DDX59: variants seen among roughly 807,000 people sequenced by gnomAD.
The protein encoded by DDX59 is probable ATP-dependent RNA helicase DDX59.
In DDX59, 30 loss-of-function variants were observed where a neutral mutation model predicts 51.9. The observed-to-expected ratio is 0.58, with a 90% confidence interval of 0.43 to 0.78. The LOEUF (loss-of-function observed/expected upper bound fraction) is 0.78, where lower values mean the gene tolerates loss of function less well. Among genes scored for constraint, DDX59 ranks in the 30% least tolerant of loss-of-function variants. The pLI, the probability that DDX59 is intolerant of heterozygous loss-of-function variation, is 0.00. For missense variants in DDX59, 672 were observed against 730.8 expected (o/e 0.92, Z 0.93); for synonymous variants, 255 against 253.3 (o/e 1.01, Z -0.06).
chr1:200,642,626 A>G (rs994001455), downstream of DDX59, among the ~76,000 whole-genome samples: 1 of 152,228 alleles, frequency 6.6e-6, no homozygotes, highest in Non-Finnish European at 1.5e-5. Flanking sequence ...GAGAAGCAGA[A>G]GTCAAGATTC....
Position 200,669,897 on chromosome 1 carries a change from C to CGGGGCGGAGCGGAGCGGAGA in DDX59, c.-143_-142insTCTCCGCTCCGCTCCGCCCC, listed in dbSNP as rs1359792913. 7 of 103,632 alleles carry CGGGGCGGAGCGGAGCGGAGA rather than the reference C, an allele frequency of 6.8e-5. No homozygotes were observed. The highest frequency in any genetic ancestry group is 1.3e-4 in the Non-Finnish European group (6 of 46,100). 6.4% of individuals were successfully genotyped at this position (103,632 alleles called of 1,614,324 possible). ...GGACTGCGGCCCGGGGTTGGTGGTG[C>CGGGGCGGAGCGGAGCGGAGA]GGAGCGGAGCGGAGCGGAGCGTAGA... On this transcript the variant is annotated 5_prime_UTR_variant, in exon 1 of 8. Transcript: ENST00000331314.
chr1:200,658,934 G>C, intron 4 of DDX59, 93 bp downstream of exon 4: 1 of 1,101,746 alleles, frequency 9.1e-7, no homozygotes, highest in Non-Finnish European at 1.3e-6. Context: ...TTGAGAGAGA[G>C]AAAAGGTACT....
At chr1:200,653,141 G>A (rs966405395) in intron 4 of DDX59, among the ~76,000 whole-genome samples, 7 of 152,096 alleles carry the variant, frequency 4.6e-5, no homozygotes, top group Non-Finnish European at 8.8e-5. Context: ...CAAATTCCAC[G>A]GCTCTGAATA....
chr1:200,646,151 T>C (rs1661277856), intron 7 of DDX59, among the ~76,000 whole-genome samples: 1 of 152,012 alleles, frequency 6.6e-6, no homozygotes, highest in Non-Finnish European at 1.5e-5. Flanking sequence ...CAGGGCAACA[T>C]AGCAATACCC....
intron 4 of DDX59, among the ~76,000 whole-genome samples, chr1:200,651,971 G>A (rs1229716985): frequency 7.1e-6 from 1 of 140,548 alleles, no homozygotes; most frequent in African/African-American, 2.7e-5. Flanking sequence ...TCGTGCCAGT[G>A]CACTCCAGCC....
chr1:200,648,838 T>C (rs1438204702), intron 6 of DDX59, among the ~76,000 whole-genome samples: 2 of 152,176 alleles, frequency 1.3e-5, no homozygotes, highest in Non-Finnish European at 2.9e-5. Context: ...ATTTCAGAAA[T>C]GGTAAGTTTT....
At chr1:200,660,626 C>A (rs1352409387) in intron 3 of DDX59, among the ~76,000 whole-genome samples, 1 of 152,120 alleles carries the variant, frequency 6.6e-6, no homozygotes, top group Non-Finnish European at 1.5e-5. Flanking sequence ...AGGTTTCTGT[C>A]AGTTACAAAC....
At chr1:200,643,007 T>C (rs1037584183), downstream of DDX59, among the ~76,000 whole-genome samples, 4 of 152,206 alleles carry the variant, frequency 2.6e-5, no homozygotes, top group Admixed American at 2.6e-4. Context: ...GGTTATACTA[T>C]AGCTAATATT....
intron 7 of DDX59, among the ~76,000 whole-genome samples, chr1:200,648,000 A>G (rs1297702797): frequency 7.8e-6 from 1 of 128,060 alleles, no homozygotes; most frequent in Non-Finnish European, 1.6e-5. Context: ...AAAAGCAAAA[A>G]TACATACAGT....
At position 200,666,447 on chromosome 1, in the gene DDX59, CTG is replaced by C; in HGVS notation, c.292_293del (p.Gln98AlafsTer22). 1 of 1,614,200 alleles carries C rather than the reference CTG, an allele frequency of 6.2e-7. No individual in the cohort carries two copies. Among genetic ancestry groups the C allele is most frequent in the Non-Finnish European group, 8.5e-7 (1 of 1,180,028 alleles). Reference protein sequence around the residue: ...EEPVKSFSKTQRWAEPGEPIC... With the variant: ...EEPVKSFSKTXRWAEPGEPIC... ...TGGGTTCCCCTGGTTCTGCCCAGCG[CTG>C]TGTTTTGGAAAATGACTTAACGGGC... On this transcript the variant is annotated frameshift_variant, in exon 2 of 8. Transcript: ENST00000331314. LOFTEE classifies it high-confidence loss of function.
Position 200,644,118 on chromosome 1 carries a change from C to G in DDX59, c.*136G>C. ...TTATAAGAATTAAGGGAAATAAATA[C>G]AATATAGTTATATAAATTTTATTAA... is the stretch of plus-strand genomic sequence containing the variant. On this transcript the variant is annotated 3_prime_UTR_variant, in exon 8 of 8. Transcript: ENST00000331314. The G allele has an allele frequency of 1.5e-6, 1 of 669,610 alleles. No homozygotes were observed. Among genetic ancestry groups the G allele is most frequent in the Non-Finnish European group, 1.9e-6 (1 of 513,542 alleles). The allele number at this position is 669,610 out of a possible 1,614,324, so 41.5% of individuals were successfully genotyped here.
intron 2 of DDX59, 70 bp downstream of exon 2, chr1:200,665,867 A>C: frequency 1.4e-6 from 2 of 1,477,096 alleles, no homozygotes; most frequent in South Asian, 1.4e-5. Context: ...ATATAGTTAA[A>C]AATGAAACTT....
At chr1:200,655,046 T>A (rs961836858) in intron 4 of DDX59, 3 of 152,136 alleles carry the variant, frequency 2.0e-5, no homozygotes, top group African/African-American at 7.2e-5. Context: ...TTTTTTAAAA[T>A]TTTATCGGCA....
intron 4 of DDX59, among the ~76,000 whole-genome samples, chr1:200,652,854 G>T (rs1024666233): frequency 1.6e-4 from 24 of 151,380 alleles, no homozygotes; most frequent in African/African-American, 3.9e-4. Context: ...CTAATTTTTG[G>T]TATTTTTTTT....
In DDX59 at chr1:200,666,304, G is replaced by A. The variant is rs748778643; in HGVS notation, c.437C>T (p.Ser146Leu). The change falls in exon 2 of 8, where the codon TCA (serine) becomes TTA (leucine). Residue 146 changes from serine to leucine, a missense_variant. Ser to Leu is a moderately radical substitution (Grantham distance 145). Coordinates refer to ENST00000331314, the MANE Select transcript of DDX59 (RefSeq NM_001031725.6). ...LLQVKEKEEK[S>L]KLSNPQKADS... ...AGCCTTCTGTGGATTGCTGAGTTTT[G>A]ATTTCTCTTCCTTTTCCTTAACTTG... The A allele has an allele frequency of 1.2e-6, 2 of 1,614,176 alleles. No individual in the cohort carries two copies. Among genetic ancestry groups the A allele is most frequent in the East Asian group, 4.5e-5 (2 of 44,892 alleles).
chr1:200,655,973 G>C (rs1041160739), intron 4 of DDX59, among the ~76,000 whole-genome samples: 1 of 152,130 alleles, frequency 6.6e-6, no homozygotes, highest in Non-Finnish European at 1.5e-5. Context: ...TGGGATTACA[G>C]GCACGCGCCA....
At chr1:200,641,287 G>T (rs1211256719), downstream of DDX59, 17 of 1,213,160 alleles carry the variant, frequency 1.4e-5, no homozygotes, top group Non-Finnish European at 1.9e-5. Flanking sequence ...AGTTTTACTG[G>T]AAAATATGAC....
chr1:200,653,746 T>C (rs560970376), intron 4 of DDX59, among the ~76,000 whole-genome samples: 9 of 152,204 alleles, frequency 5.9e-5, no homozygotes, highest in Non-Finnish European at 1.0e-4. Context: ...AAATACCTCA[T>C]GCTTGCTTCC....
intron 4 of DDX59, among the ~76,000 whole-genome samples, chr1:200,651,972 C>T (rs1361694274): frequency 7.0e-6 from 1 of 142,562 alleles, no homozygotes; most frequent in East Asian, 2.0e-4. Flanking sequence ...CGTGCCAGTG[C>T]ACTCCAGCCT....
Sources: allele counts gnomAD v4.1 joint callset (sites outside exome capture counted in the v4.1 genomes callset), GRCh38; gene constraint gnomAD v4.1.1; transcripts MANE v1.5; gene names NCBI Gene and HGNC (gene_info 2026-07-23, HGNC 2026-07-21).